Variants in KLHL6 observed in about 807,000 individuals in gnomAD.
KLHL6 encodes kelch-like protein 6.
In KLHL6, 41 loss-of-function variants were observed where a neutral mutation model predicts 58.6. The observed-to-expected ratio is 0.70, with a 90% CI of 0.55 to 0.91. The LOEUF (loss-of-function observed/expected upper bound fraction) is 0.91. KLHL6 is among the 40% of genes least tolerant of loss of function. The probability of loss-of-function intolerance (pLI) is 0.00; values close to 1 mark genes in which losing one functional copy is unlikely to be tolerated. For synonymous variants in KLHL6, 338 were observed against 322.7 expected, an observed-to-expected ratio of 1.05 and a Z score of -0.51; for missense variants, 714 against 805.6, an observed-to-expected ratio of 0.89 and a Z score of 1.38.
chr3:183,518,932 C>G (rs1477609966), intron 2 of KLHL6, among the ~76,000 whole-genome samples: 1 of 152,130 alleles, frequency 6.6e-6, no homozygotes, highest in African/African-American at 2.4e-5. Flanking sequence ...GGTGGGTTCC[C>G]GAGATGATGC....
intron 1 of KLHL6, among the ~76,000 whole-genome samples, chr3:183,550,578 T>C (rs1292485874): frequency 6.7e-6 from 1 of 149,218 alleles, no homozygotes; most frequent in East Asian, 2.0e-4. Context: ...GTGGATCACC[T>C]GAGGTCAGGA....
intron 2 of KLHL6, among the ~76,000 whole-genome samples, chr3:183,526,311 C>CAAAT (rs898413872): frequency 2.4e-4 from 36 of 152,048 alleles, no homozygotes; most frequent in African/African-American, 7.2e-5. Context: ...AACTCCATCT[C>CAAAT]AAATAAATAA....
chr3:183,500,459 A>G (rs1475935309), intron 3 of KLHL6, among the ~76,000 whole-genome samples: 1 of 152,236 alleles, frequency 6.6e-6, no homozygotes, highest in African/African-American at 2.4e-5. Flanking sequence ...CTGCTGAAAG[A>G]GCAGAGGTTC....
intron 2 of KLHL6, among the ~76,000 whole-genome samples, chr3:183,510,887 A>AAATAAATAAATG (rs1560097473): frequency 8.6e-5 from 13 of 151,920 alleles, no homozygotes; most frequent in Non-Finnish European, 1.9e-4. Flanking sequence ...ATAAATAAAT[A>AAATAAATAAATG]AATAAATAAA....
At chr3:183,534,027 CT>C (rs1393397028) in intron 1 of KLHL6, among the ~76,000 whole-genome samples, 3 of 55,642 alleles carry the variant, frequency 5.4e-5, no homozygotes, top group Non-Finnish European at 1.0e-4. Flanking sequence ...GCCACAAACC[CT>C]CTTGACCAGC....
chr3:183,529,128 C>T (rs930740186), intron 1 of KLHL6, among the ~76,000 whole-genome samples: 2 of 152,114 alleles, frequency 1.3e-5, no homozygotes, highest in African/African-American at 4.8e-5. Context: ...AGGGGAACAA[C>T]ACACACTGAG....
At chr3:183,504,351 T>C (rs1717947114) in intron 3 of KLHL6, among the ~76,000 whole-genome samples, 2 of 152,182 alleles carry the variant, frequency 1.3e-5, no homozygotes, top group Admixed American at 1.3e-4. Context: ...GAGATTACAC[T>C]GTAAATAAAT....
Position 183,489,756 on chromosome 3 carries a change from C to T in KLHL6, c.*2171G>A, listed in dbSNP as rs1304086419. On this transcript the variant is annotated 3_prime_UTR_variant, in exon 7 of 7. Coordinates refer to ENST00000341319, the MANE Select transcript of KLHL6 (RefSeq NM_130446.4). ...CGCTTCTAAGGCACAGAGCATTTCA[C>T]ACACCAACATACATTTATATTTATC... is the stretch of plus-strand genomic sequence containing the variant. 2 of 152,210 alleles carry T rather than the reference C, an allele frequency of 1.3e-5. No homozygotes were observed. Among genetic ancestry groups the T allele is most frequent in the African/African-American group, 4.8e-5 (2 of 41,448 alleles). The allele number at this position is 152,210 out of a possible 1,614,324, so 9.4% of individuals were successfully genotyped here.
chr3:183,524,456 T>C (rs975812763), intron 2 of KLHL6, among the ~76,000 whole-genome samples: 1 of 152,252 alleles, frequency 6.6e-6, no homozygotes, highest in Admixed American at 6.5e-5. Context: ...TGCAAAGTTC[T>C]TCTAGTGGGC....
intron 2 of KLHL6, among the ~76,000 whole-genome samples, chr3:183,511,047 C>T (rs567796324): frequency 1.8e-4 from 28 of 152,254 alleles, no homozygotes; most frequent in Non-Finnish European, 3.7e-4. Flanking sequence ...GGGACCAGCG[C>T]TCAGCATACG....
intron 3 of KLHL6, 59 bp downstream of exon 3, chr3:183,508,000 G>A (rs1474161573): frequency 6.9e-6 from 10 of 1,456,446 alleles, no homozygotes; most frequent in East Asian, 6.9e-5. Flanking sequence ...ATCTCTGTGA[G>A]CCCCTAGCTA....
intron 1 of KLHL6, among the ~76,000 whole-genome samples, chr3:183,543,970 C>T (rs542945201): frequency 5.3e-4 from 80 of 152,246 alleles, no homozygotes; most frequent in African/African-American, 1.8e-3. Context: ...TCAAGACCAG[C>T]CTGGCCAACA....
intron 1 of KLHL6, among the ~76,000 whole-genome samples, chr3:183,555,041 G>A (rs547993793): frequency 3.4e-4 from 52 of 152,142 alleles, no homozygotes; most frequent in African/African-American, 1.2e-3. Context: ...GTGCATGCCT[G>A]CAAATCCCAG....
At chr3:183,547,514 T>C (rs1444394189) in intron 1 of KLHL6, among the ~76,000 whole-genome samples, 2 of 152,232 alleles carry the variant, frequency 1.3e-5, no homozygotes, top group Non-Finnish European at 2.9e-5. Flanking sequence ...TTCATTATAA[T>C]ATTTTTCCTA....
chr3:183,492,749 T>G lies in KLHL6; in HGVS notation c.1351-42A>C. The G allele has an allele frequency of 6.3e-7, 1 of 1,583,600 alleles. No individual in the cohort carries two copies. The highest frequency in any genetic ancestry group is 8.6e-7 in the Non-Finnish European group (1 of 1,156,154). On this transcript the variant is annotated intron_variant, in intron 5 of 6. Coordinates refer to ENST00000341319, the MANE Select transcript of KLHL6 (RefSeq NM_130446.4). This position sits in a 1 kb window ranked among gnomAD's most constrained non-coding sequence, Gnocchi z 5.9. ...CACAAGAAGAAGCTGTCAGTCATGC[T>G]GCCCAGATTGCTGCAGTAGCTCCCA... is the stretch of plus-strand genomic sequence containing the variant.
rs368701571 is a variant in KLHL6, at chr3:183,517,014, T to C, written c.460-8506A>G. 3.3e-5 allele frequency among the ~76,000 whole-genome samples: 5 copies of C among 152,298 alleles called. No homozygotes were observed. The East Asian group carries it at 7.7e-4, about 24-fold the overall frequency. ...ACCTTCACCTCCCGGGTTCAAGTGA[T>C]TCTTGTGCCTCAGCCTCCCGAGTAG... is the stretch of plus-strand genomic sequence containing the variant. On this transcript the variant is annotated intron_variant, in intron 2 of 6. Transcript: ENST00000341319.
intron 3 of KLHL6, among the ~76,000 whole-genome samples, chr3:183,506,664 C>G (rs933492274): frequency 6.6e-6 from 1 of 151,600 alleles, no homozygotes; most frequent in Non-Finnish European, 1.5e-5. Context: ...CTTGTCTCTA[C>G]AAAATATTTA....
intron 2 of KLHL6, among the ~76,000 whole-genome samples, chr3:183,526,551 C>T (rs547142958): frequency 6.9e-4 from 105 of 152,216 alleles, no homozygotes; most frequent in African/African-American, 2.3e-3. Flanking sequence ...TGAGTACAAT[C>T]GCTTCAGAAA....
intron 1 of KLHL6, among the ~76,000 whole-genome samples, chr3:183,554,275 C>CT: frequency 6.6e-6 from 1 of 152,196 alleles, no homozygotes; most frequent in South Asian, 2.1e-4. Flanking sequence ...ATAAGTCATC[C>CT]TTAGCTGAAT....
Sources: allele counts gnomAD v4.1 joint callset (sites outside exome capture counted in the v4.1 genomes callset), GRCh38; gene constraint gnomAD v4.1.1; non-coding constraint Gnocchi (gnomAD v3.1); transcripts MANE v1.5; gene names NCBI Gene and HGNC (gene_info 2026-07-23, HGNC 2026-07-21).